DOCK2: variants seen among roughly 807,000 people sequenced by gnomAD.
DOCK2 encodes dedicator of cytokinesis protein 2.
A neutral mutation model predicts 248.9 loss-of-function variants in DOCK2; 87 were observed. That is an observed-to-expected ratio of 0.35 (90% confidence interval 0.29 to 0.42). The LOEUF is 0.42. Ranked by LOEUF, DOCK2 falls within the 10% of genes least tolerant of loss-of-function variation. The pLI, the probability that DOCK2 is intolerant of heterozygous loss-of-function variation, is 1.00. For synonymous variants in DOCK2, 805 were observed against 821.6 expected (o/e 0.98, Z 0.35); for missense variants, 1,747 against 2,300.2 (o/e 0.76, Z 4.92).
intron 1 of DOCK2, among the ~76,000 whole-genome samples, chr5:169,648,794 C>T (rs1165746745): frequency 6.6e-6 from 1 of 152,212 alleles, no homozygotes; most frequent in African/African-American, 2.4e-5. Context: ...GTCTGGTATG[C>T]AGGAAGTGTT....
intron 6 of DOCK2, among the ~76,000 whole-genome samples, chr5:169,674,748 T>G (rs1327721318): frequency 6.6e-6 from 1 of 152,240 alleles, no homozygotes; most frequent in Non-Finnish European, 1.5e-5. Flanking sequence ...CACTTTCAGC[T>G]TAGTTGTCAT....
At chr5:170,068,700 G>A (rs1295285887) in intron 45 of DOCK2, among the ~76,000 whole-genome samples, 2 of 152,160 alleles carry the variant, frequency 1.3e-5, no homozygotes, top group Admixed American at 6.5e-5. Flanking sequence ...ACACCCACCA[G>A]TGAGATTCCT....
rs183294108 is a variant in DOCK2, at chr5:169,638,558, G to A, written c.43+1189G>A. Among the ~76,000 whole-genome samples, 36 of 152,266 alleles carry A rather than the reference G, an allele frequency of 2.4e-4. 3 individuals carry two copies. The South Asian group carries it at 7.1e-3, about 30-fold the overall frequency. ...TGCAGGTCTCATGAGACTCTTGTGAGGATTGAATGGGGTTATGCATGGAAA... is the reference window on the plus strand; with the variant it reads ...TGCAGGTCTCATGAGACTCTTGTGAAGATTGAATGGGGTTATGCATGGAAA... On this transcript the variant is annotated intron_variant, in intron 1 of 51. Coordinates refer to ENST00000520908, the MANE Select transcript of DOCK2 (RefSeq NM_004946.3).
At chr5:169,661,917 C>T (rs1056466626) in intron 2 of DOCK2, among the ~76,000 whole-genome samples, 34 of 152,202 alleles carry the variant, frequency 2.2e-4, no homozygotes, top group African/African-American at 6.7e-4. Context: ...AATGCTGTAA[C>T]GAATATGAGA....
At chr5:169,800,450 C>G (rs1766896630) in intron 25 of DOCK2, among the ~76,000 whole-genome samples, 1 of 152,186 alleles carries the variant, frequency 6.6e-6, no homozygotes, top group African/African-American at 2.4e-5. Flanking sequence ...TGCTATGAAC[C>G]AGGTACTGTA....
At chr5:169,818,178 C>T (rs551890493) in intron 26 of DOCK2, among the ~76,000 whole-genome samples, 51 of 152,296 alleles carry the variant, frequency 3.3e-4, no homozygotes, top group African/African-American at 1.0e-3. Context: ...CTCACATGTA[C>T]TTCTCATTGC....
chr5:169,817,232 G>A lies in DOCK2; in HGVS notation c.2703+14026G>A, dbSNP rs983725400. ...ACTTTTGGCTTTATTGTAGAATTTA[G>A]CACTTAATTATATGCAGCTTGACAT... On this transcript the variant is annotated intron_variant, in intron 26 of 51. Coordinates refer to ENST00000520908, the MANE Select transcript of DOCK2 (RefSeq NM_004946.3). 2.6e-5 allele frequency among the ~76,000 whole-genome samples: 4 copies of A among 152,162 alleles called. No homozygotes were observed. In the South Asian group the frequency reaches 6.2e-4, roughly 24 times the overall value.
intron 17 of DOCK2, among the ~76,000 whole-genome samples, chr5:169,712,653 G>A (rs548476635): frequency 6.6e-6 from 1 of 152,286 alleles, no homozygotes; most frequent in South Asian, 2.1e-4. Flanking sequence ...TCCTGCTGCT[G>A]ACTAAGCCTG....
chr5:169,702,108 A>G, intron 13 of DOCK2, 195 bp from the exon 14 acceptor site: 1 of 459,454 alleles, frequency 2.2e-6, no homozygotes. Flanking sequence ...ATTTCCTAGC[A>G]TCCCTTCATC....
chr5:169,931,060 C>T (rs530053083), intron 27 of DOCK2, among the ~76,000 whole-genome samples: 12 of 152,260 alleles, frequency 7.9e-5, no homozygotes, highest in African/African-American at 2.6e-4. Context: ...TTGTTTTCCT[C>T]CAGGTAAAGA....
At chr5:169,777,202 C>T (rs1409195708) in intron 25 of DOCK2, among the ~76,000 whole-genome samples, 1 of 152,178 alleles carries the variant, frequency 6.6e-6, no homozygotes, top group East Asian at 1.9e-4. Flanking sequence ...TGCTTCCTCC[C>T]TGTGTGATAG....
intron 27 of DOCK2, among the ~76,000 whole-genome samples, chr5:169,847,062 T>C (rs1047799070): frequency 6.6e-6 from 1 of 152,240 alleles, no homozygotes; most frequent in African/African-American, 2.4e-5. Context: ...TAGTGTTCCA[T>C]GGTGCATATA....
At chr5:169,859,910 G>C in intron 27 of DOCK2, among the ~76,000 whole-genome samples, 1 of 151,774 alleles carries the variant, frequency 6.6e-6, no homozygotes. Flanking sequence ...TGAATCATGG[G>C]CGACTTTATT....
intron 33 of DOCK2, 136 bp from the exon 34 acceptor site, chr5:170,027,727 T>G: frequency 1.3e-6 from 1 of 742,176 alleles, no homozygotes; most frequent in East Asian, 2.8e-5. Context: ...CTGTTCCATT[T>G]TGCATTCCCA....
In DOCK2 at chr5:169,742,316, T is replaced by G. The variant is rs372106927; in HGVS notation, c.2268-5080T>G. Among the ~76,000 whole-genome samples, 31 of 152,330 alleles carry G rather than the reference T, an allele frequency of 2.0e-4. No individual in the cohort carries two copies. In the East Asian group the frequency reaches 6.0e-3, roughly 29 times the overall value. ...CTATGTACTAGACTCTGCTAATGGC[T>G]TTATGTGCATTGTTTGATTTTCGAG... On this transcript the variant is annotated intron_variant, in intron 22 of 51. Coordinates refer to ENST00000520908, the MANE Select transcript of DOCK2 (RefSeq NM_004946.3).
rs528022503 is a variant in DOCK2, at chr5:170,050,678, A to G, written c.4213+281A>G. Among the ~76,000 whole-genome samples the G allele has an allele frequency of 2.7e-3, 411 of 152,302 alleles. 6 individuals are homozygous for G. Among genetic ancestry groups the G allele is most frequent in the East Asian group, 1.2e-3 (6 of 5,172 alleles). On this transcript the variant is annotated intron_variant, in intron 41 of 51. Coordinates refer to ENST00000520908, the MANE Select transcript of DOCK2 (RefSeq NM_004946.3). ...GAATGTGAGCTAGAATGTCAACTGT[A>G]TAAGGAAAGACGCTTGCTCTGGCGT...
At chr5:169,753,418 G>T (rs2113711182) in intron 23 of DOCK2, among the ~76,000 whole-genome samples, 1 of 127,896 alleles carries the variant, frequency 7.8e-6, no homozygotes, top group Non-Finnish European at 1.6e-5. Context: ...TCTTATTCTT[G>T]CTCTCCCACT....
In DOCK2 at chr5:170,003,011, G is replaced by A. The variant is rs6871644; in HGVS notation, c.3073-5486G>A. Among the ~76,000 whole-genome samples the A allele has an allele frequency of 5.6e-3, 857 of 152,308 alleles. 5 individuals carry two copies. The highest frequency in any genetic ancestry group is 0.02 in the African/African-American group (814 of 41,578). ...AATAAATATTCTCAGGAGCCCAGCT[G>A]TATTCGAGTCATTGTGCTGAGCATG... On this transcript the variant is annotated intron_variant, in intron 30 of 51. Coordinates refer to ENST00000520908, the MANE Select transcript of DOCK2 (RefSeq NM_004946.3).
chr5:170,023,170 C>G (rs1027529235), intron 33 of DOCK2, among the ~76,000 whole-genome samples: 1 of 152,092 alleles, frequency 6.6e-6, no homozygotes, highest in African/African-American at 2.4e-5. Context: ...GCATGGGGAT[C>G]TGAGCCCTCA....
Sources: gnomAD v4.1 joint callset for allele counts (sites outside exome capture counted in the v4.1 genomes callset) on GRCh38, gnomAD v4.1.1 for gene constraint, MANE v1.5 for transcripts, NCBI Gene and HGNC (gene_info 2026-07-23, HGNC 2026-07-21) for gene names.